The following PLN variants were observed in gnomAD, a reference collection of about 807,000 sequenced individuals.
PLN encodes cardiac phospholamban.
Under a neutral mutation model 3.9 loss-of-function variants are expected in PLN, and 1 was observed. The ratio of observed to expected loss-of-function variants is 0.26; its 90% confidence interval spans 0.09 to 1.23. The LOEUF (loss-of-function observed/expected upper bound fraction) is 1.23, where lower values mean the gene tolerates loss of function less well. Ranked by LOEUF, PLN falls within the 50% of genes most tolerant of loss-of-function variation. The pLI is 0.48. For synonymous variants in PLN, 21 were observed against 20.5 expected (o/e 1.02, Z -0.07); for missense variants, 59 against 62.7 (o/e 0.94, Z 0.20).
chr6:118,556,305 G>A (rs754482988), intron 1 of PLN, among the ~76,000 whole-genome samples: 89 of 152,282 alleles, frequency 5.8e-4, no homozygotes, highest in Non-Finnish European at 9.1e-4. Flanking sequence ...AAAAATACAG[G>A]TAGTTAATAA....
At chr6:118,556,535 T>A (rs953447940) in intron 1 of PLN, among the ~76,000 whole-genome samples, 12 of 152,200 alleles carry the variant, frequency 7.9e-5, no homozygotes, top group Admixed American at 6.5e-4. Context: ...TCATGCCTGA[T>A]ACTTACCTTC....
chr6:118,553,037 A>G (rs1190945411), intron 1 of PLN, among the ~76,000 whole-genome samples: 1 of 152,166 alleles, frequency 6.6e-6, no homozygotes, highest in African/African-American at 2.4e-5. Flanking sequence ...GGTGGAGAGC[A>G]GCTTCAGTTT....
intron 1 of PLN, among the ~76,000 whole-genome samples, chr6:118,557,712 AATGG>A (rs2114961444): frequency 6.6e-6 from 1 of 152,288 alleles, no homozygotes; most frequent in Admixed American, 6.5e-5. Context: ...AAAATGAATG[AATGG>A]ATGAATACAA....
chr6:118,555,768 T>TA (rs1412041255), intron 1 of PLN, among the ~76,000 whole-genome samples: 1 of 152,078 alleles, frequency 6.6e-6, no homozygotes, highest in Non-Finnish European at 1.5e-5. Context: ...TTAAGCCCAG[T>TA]ACCCAACAGT....
At chr6:118,555,425 C>CAA (rs200889385) in intron 1 of PLN, among the ~76,000 whole-genome samples, 5,973 of 116,234 alleles carry the variant, frequency 0.051, 501 homozygotes, top group African/African-American at 0.17. Flanking sequence ...AAGACTGTCT[C>CAA]AAAAAAAAAA....
chr6:118,557,732 T>A (rs894287648), intron 1 of PLN, among the ~76,000 whole-genome samples: 1 of 152,114 alleles, frequency 6.6e-6, no homozygotes, highest in Non-Finnish European at 1.5e-5. Flanking sequence ...TACAAATTAT[T>A]ATCGAATAAA....
At chr6:118,558,687 AGGG>A (rs1446222041) in intron 1 of PLN, 135 bp from the exon 2 acceptor site, 1 of 503,904 alleles carries the variant, frequency 2.0e-6, no homozygotes, top group African/African-American at 2.0e-5. Context: ...AGAGAGAGAG[AGGG>A]AGAGAGACTA....
chr6:118,552,280 G>T lies in PLN; in HGVS notation c.-98+3888G>T, dbSNP rs991046283. 1.6e-4 allele frequency among the ~76,000 whole-genome samples: 24 copies of T among 151,878 alleles called. 1 individual carries two copies. The highest frequency in any genetic ancestry group is 1.2e-3 in the Admixed American group (19 of 15,240). Reference sequence around the variant, plus strand: ...CAGGAATTTATTATTTCAGCAAAAGGAATACCACCAAAAATACTGAAGTTT... The same window carrying T: ...CAGGAATTTATTATTTCAGCAAAAGTAATACCACCAAAAATACTGAAGTTT... On this transcript the variant is annotated intron_variant, in intron 1 of 1. Coordinates refer to ENST00000357525, the MANE Select transcript of PLN (RefSeq NM_002667.5).
chr6:118,549,744 T>G (rs1167036010), intron 1 of PLN, among the ~76,000 whole-genome samples: 1 of 152,054 alleles, frequency 6.6e-6, no homozygotes, highest in East Asian at 1.9e-4. Context: ...TCTATCAAAT[T>G]ACATTCTCAC....
intron 1 of PLN, among the ~76,000 whole-genome samples, chr6:118,553,933 G>A (rs763785919): frequency 1.1e-4 from 16 of 152,098 alleles, no homozygotes; most frequent in Non-Finnish European, 2.1e-4. Flanking sequence ...AAATATTAGA[G>A]CTTACATGTC....
chr6:118,560,826 G>C lies in PLN; in HGVS notation c.*1746G>C, dbSNP rs551011651. 1.6e-4 allele frequency: 24 copies of C among 153,468 alleles called. No individual in the cohort carries two copies. The highest frequency in any genetic ancestry group is 5.8e-4 in the African/African-American group (24 of 41,508). The allele number at this position is 153,468 out of a possible 1,614,324, so 9.5% of individuals were successfully genotyped here. A position where few individuals can be genotyped will look rare whatever the true frequency, so the allele number is the denominator to read the frequency against. ...CTGGAAAATATATTCACCAAACTTT[G>C]GTAATTTAAGTTGACTAAAGTTTAA... On this transcript the variant is annotated 3_prime_UTR_variant, in exon 2 of 2. Transcript: ENST00000357525.
intron 1 of PLN, among the ~76,000 whole-genome samples, chr6:118,556,947 C>T (rs1195269160): frequency 6.6e-6 from 1 of 151,990 alleles, no homozygotes; most frequent in Non-Finnish European, 1.5e-5. Context: ...AAAGTATAGG[C>T]CCCACAGGCA....
At chr6:118,556,200 C>T (rs574044364) in intron 1 of PLN, among the ~76,000 whole-genome samples, 1 of 152,266 alleles carries the variant, frequency 6.6e-6, no homozygotes, top group East Asian at 1.9e-4. Context: ...GGTAGTTCTG[C>T]TTTTATAAGC....
At position 118,560,212 on chromosome 6, in the gene PLN, AT is replaced by A; in HGVS notation, c.*1134del. The A allele has an allele frequency of 6.0e-6, 1 of 167,110 alleles. No homozygotes were observed. The allele number at this position is 167,110 out of a possible 1,614,324, so 10.4% of individuals were successfully genotyped here. ...AACATGGGGGTTAGGGGAGCTGACA[AT>A]TCGTGGGTCCGCAAAATCTTAACTA... On this transcript the variant is annotated 3_prime_UTR_variant, in exon 2 of 2. Transcript: ENST00000357525.
Position 118,559,097 on chromosome 6 carries a change from C to G in PLN, c.*17C>G, listed in dbSNP as rs970310064. ...CTTCTCTGAAGTTCTGCTACAACCT[C>G]TAGATCTGCAGCTTGCCACATCAGC... On this transcript the variant is annotated 3_prime_UTR_variant, in exon 2 of 2. Transcript: ENST00000357525. The G allele has an allele frequency of 9.4e-6, 15 of 1,597,786 alleles. No individual in the cohort carries two copies. Among genetic ancestry groups the G allele is most frequent in the Non-Finnish European group, 1.3e-5 (15 of 1,165,138 alleles).
intron 1 of PLN, among the ~76,000 whole-genome samples, chr6:118,552,497 A>G (rs1330955256): frequency 6.6e-6 from 1 of 152,040 alleles, no homozygotes; most frequent in Non-Finnish European, 1.5e-5. Flanking sequence ...GACTCACTGC[A>G]GACAAAGTAA....
rs1293993006 is a variant in PLN at position 118,559,106 on chromosome 6, C to A, written c.*26C>A. ...AGTTCTGCTACAACCTCTAGATCTG[C>A]AGCTTGCCACATCAGCTTAAAATCT... On this transcript the variant is annotated 3_prime_UTR_variant, in exon 2 of 2. Transcript: ENST00000357525. 6.4e-7 allele frequency: 1 copy of A among 1,570,566 alleles called. No homozygotes were observed.
Position 118,560,671 on chromosome 6 carries a change from C to T in PLN, c.*1591C>T, listed in dbSNP as rs1338278876. The T allele has an allele frequency of 6.0e-6, 1 of 166,764 alleles. No homozygotes were observed. The highest frequency in any genetic ancestry group is 6.5e-5 in the Admixed American group (1 of 15,278). The allele number at this position is 166,764 out of a possible 1,614,324, so 10.3% of individuals were successfully genotyped here. A position where few individuals can be genotyped will look rare whatever the true frequency, so the allele number is the denominator to read the frequency against. On this transcript the variant is annotated 3_prime_UTR_variant, in exon 2 of 2. Transcript: ENST00000357525. Reference sequence around the variant, plus strand: ...AGCATCTATTTTGCAGTCCACTCTACTGAGCTAAATTATAGATCCAGCTAT... The same window carrying T: ...AGCATCTATTTTGCAGTCCACTCTATTGAGCTAAATTATAGATCCAGCTAT...
intron 1 of PLN, among the ~76,000 whole-genome samples, chr6:118,555,249 G>A (rs1002126923): frequency 3.3e-5 from 5 of 152,016 alleles, no homozygotes; most frequent in African/African-American, 1.2e-4. Flanking sequence ...GGCTAACATG[G>A]TGAAACCCCG....
Sources: gnomAD v4.1 joint callset for allele counts (sites outside exome capture counted in the v4.1 genomes callset) on GRCh38, gnomAD v4.1.1 for gene constraint, MANE v1.5 for transcripts, NCBI Gene and HGNC (gene_info 2026-07-23, HGNC 2026-07-21) for gene names.